INPP5D: variants seen among roughly 807,000 people sequenced by gnomAD.
INPP5D encodes inositol polyphosphate-5-phosphatase D.
Under a neutral mutation model 122.9 loss-of-function variants are expected in INPP5D, and 33 were observed. That is an observed-to-expected ratio of 0.27 (90% CI 0.20 to 0.36). The LOEUF (loss-of-function observed/expected upper bound fraction) is 0.36. Among genes scored for constraint, INPP5D ranks in the 10% least tolerant of loss-of-function variants. The pLI, the probability that INPP5D is intolerant of heterozygous loss-of-function variation, is 1.00. For synonymous variants in INPP5D, 584 were observed against 576.2 expected, an observed-to-expected ratio of 1.01 and a Z score of -0.19; for missense variants, 1,053 against 1,412.7, an observed-to-expected ratio of 0.75 and a Z score of 4.08.
chr2:233,146,826 A>T (rs764060473), intron 8 of INPP5D, among the ~76,000 whole-genome samples: 6 of 152,178 alleles, frequency 3.9e-5, no homozygotes, highest in African/African-American at 7.2e-5. Flanking sequence ...GAATGACTGG[A>T]TTAGAATCTC....
intron 2 of INPP5D, 78 bp from the exon 3 acceptor site, chr2:233,122,029 C>A: frequency 6.5e-7 from 1 of 1,542,820 alleles, no homozygotes; most frequent in Non-Finnish European, 8.9e-7. Context: ...TCGCTGGTCT[C>A]TGCTGCAGTT....
intron 1 of INPP5D, among the ~76,000 whole-genome samples, chr2:233,063,398 A>G (rs1350680488): frequency 6.6e-6 from 1 of 152,150 alleles, no homozygotes; most frequent in Admixed American, 6.5e-5. Flanking sequence ...CGGAGTCTCC[A>G]CCTGATGGTT....
intron 9 of INPP5D, among the ~76,000 whole-genome samples, chr2:233,149,276 T>C (rs553494409): frequency 6.6e-6 from 1 of 152,186 alleles, no homozygotes; most frequent in East Asian, 1.9e-4. Context: ...TATTTTTTTA[T>C]TTTTAGTAAA....
intron 1 of INPP5D, among the ~76,000 whole-genome samples, chr2:233,061,088 G>C (rs1171980186): frequency 2.6e-5 from 4 of 152,208 alleles, no homozygotes; most frequent in Non-Finnish European, 5.9e-5. Context: ...AGAATATGGG[G>C]TGAGTTTAAT....
chr2:233,169,397 C>G lies in INPP5D; in HGVS notation c.1648C>G (p.Leu550Val), dbSNP rs1574782440. 4 of 1,580,450 alleles carry G rather than the reference C, an allele frequency of 2.5e-6. 1 individual carries two copies. The East Asian group carries it at 9.0e-5, about 36-fold the overall frequency. Reference sequence around the variant, plus strand: ...CTTGACTTCAGGAAGTGAAAAGAAACTCAGGTAATGGAACTCCTTCCCCCC... The same window carrying G: ...CTTGACTTCAGGAAGTGAAAAGAAAGTCAGGTAATGGAACTCCTTCCCCCC... ...SHLTSGSEKKLRRNQNYMNIL... is the reference protein window; with the variant it reads ...SHLTSGSEKKVRRNQNYMNIL... The change falls in exon 14 of 27, where the codon CTC becomes GTC. Residue 550 changes from leucine (L) to valine (V), a missense_variant. Coordinates refer to ENST00000445964, the MANE Select transcript of INPP5D (RefSeq NM_001017915.3).
At chr2:233,092,406 T>C (rs1692016540) in intron 2 of INPP5D, among the ~76,000 whole-genome samples, 1 of 152,006 alleles carries the variant, frequency 6.6e-6, no homozygotes, top group South Asian at 2.1e-4. Flanking sequence ...TCATAGGCTC[T>C]GGGCAATGGG....
chr2:233,126,068 C>A, intron 4 of INPP5D, 149 bp downstream of exon 4: 1 of 792,772 alleles, frequency 1.3e-6, no homozygotes, highest in Non-Finnish European at 2.0e-6. Flanking sequence ...TGTCATCTTG[C>A]ACCCCAGAGG....
chr2:233,186,147 A>G (rs1342112866), intron 21 of INPP5D, among the ~76,000 whole-genome samples: 2 of 152,182 alleles, frequency 1.3e-5, no homozygotes, highest in Non-Finnish European at 2.9e-5. Flanking sequence ...AAATGGTTTC[A>G]GTTCCCCTAA....
intron 2 of INPP5D, among the ~76,000 whole-genome samples, chr2:233,113,893 C>T (rs1243340566): frequency 6.6e-6 from 1 of 151,106 alleles, no homozygotes; most frequent in Non-Finnish European, 1.5e-5. Context: ...GCCTTTAGTG[C>T]CTCCAAACCA....
rs1233492385 is a variant in INPP5D, at chr2:233,161,726, G to A, written c.1140G>A (p.Lys380=). Residue 380 remains lysine, a splice_region_variant and synonymous_variant, in exon 11 of 27, where the codon AAG becomes AAA. Transcript: ENST00000445964. ...RKEYVFADSK[K]REGFCQLLQQ... Reference sequence around the variant, plus strand: ...TCTGTCTGCCCTTCCATCCCTAGAAGAGAGAAGGCTTCTGCCAGCTCCTGC... The same window carrying A: ...TCTGTCTGCCCTTCCATCCCTAGAAAAGAGAAGGCTTCTGCCAGCTCCTGC... The A allele has an allele frequency of 6.2e-7, 1 of 1,612,274 alleles. No homozygotes were observed. The highest frequency in any genetic ancestry group is 8.5e-7 in the Non-Finnish European group (1 of 1,179,090).
chr2:233,066,821 C>G (rs1006114735), intron 1 of INPP5D, among the ~76,000 whole-genome samples: 3 of 151,984 alleles, frequency 2.0e-5, no homozygotes, highest in Admixed American at 1.3e-4. Context: ...CCCTGTTGCC[C>G]AGGCTGGAAT....
intron 2 of INPP5D, among the ~76,000 whole-genome samples, chr2:233,109,981 C>T (rs940900902): frequency 6.6e-6 from 1 of 151,818 alleles, no homozygotes; most frequent in Non-Finnish European, 1.5e-5. Flanking sequence ...ATTTCTCAGG[C>T]TCAAGGGATT....
At chr2:233,075,797 C>T (rs1223080390) in intron 1 of INPP5D, among the ~76,000 whole-genome samples, 1 of 152,062 alleles carries the variant, frequency 6.6e-6, no homozygotes. Context: ...GTATGTTTTC[C>T]CTTGAAGGTT....
In INPP5D at chr2:233,177,295, C is replaced by T; in HGVS notation, c.2020C>T (p.Arg674Ter). 4 of 1,613,752 alleles carry T rather than the reference C, an allele frequency of 2.5e-6. No individual in the cohort carries two copies. Among genetic ancestry groups the T allele is most frequent in the Non-Finnish European group, 2.5e-6 (3 of 1,179,822 alleles). ...GTACAACTTGCCTTCCTGGTGTGACCGAGTCCTCTGGAAGTCTTATCCCCT... is the reference window on the plus strand; with the variant it reads ...GTACAACTTGCCTTCCTGGTGTGACTGAGTCCTCTGGAAGTCTTATCCCCT... ...MKYNLPSWCD[R>*]VLWKSYPLVH... Residue 674 changes from arginine (R) to a stop codon, truncating the protein, a stop_gained, in exon 18 of 27, where the codon CGA becomes TGA. Transcript: ENST00000445964. LOFTEE classifies it high-confidence loss of function. This position sits in a 1 kb window ranked among gnomAD's most constrained non-coding sequence, Gnocchi z 4.2.
chr2:233,080,463 CAGAGAG>C (rs111601408), intron 2 of INPP5D, among the ~76,000 whole-genome samples: 2 of 148,602 alleles, frequency 1.3e-5, no homozygotes, highest in African/African-American at 4.9e-5. Flanking sequence ...GTGCACGTGA[CAGAGAG>C]AGAGAGAGAG....
intron 26 of INPP5D, chr2:233,205,082 T>C: frequency 4.7e-6 from 1 of 213,618 alleles, no homozygotes; most frequent in Non-Finnish European, 9.2e-6. Flanking sequence ...CTCATTGTTA[T>C]TATAAATTTG....
chr2:233,156,042 G>A (rs1379017949), intron 9 of INPP5D, among the ~76,000 whole-genome samples: 1 of 152,240 alleles, frequency 6.6e-6, no homozygotes, highest in Non-Finnish European at 1.5e-5. Flanking sequence ...TCAGCTGAGG[G>A]AAAAGACACA....
intron 1 of INPP5D, among the ~76,000 whole-genome samples, chr2:233,069,692 A>G (rs1054824629): frequency 1.3e-5 from 2 of 152,162 alleles, no homozygotes; most frequent in African/African-American, 4.8e-5. Flanking sequence ...TATTTAATGG[A>G]TGTACAGGAT....
At chr2:233,190,014 C>T in intron 22 of INPP5D, 77 bp downstream of exon 22, 2 of 1,566,018 alleles carry the variant, frequency 1.3e-6, no homozygotes, top group Admixed American at 1.9e-5. Flanking sequence ...CAGGGGAGCT[C>T]ACCTGGCACT....
Sources: gnomAD v4.1 joint callset for allele counts (sites outside exome capture counted in the v4.1 genomes callset) on GRCh38, gnomAD v4.1.1 for gene constraint, Gnocchi (gnomAD v3.1) non-coding constraint, MANE v1.5 for transcripts, NCBI Gene and HGNC (gene_info 2026-07-23, HGNC 2026-07-21) for gene names.